Variants in OGDH observed in about 807,000 individuals in gnomAD.
The protein encoded by OGDH is oxoglutarate dehydrogenase.
In OGDH, 38 loss-of-function variants were observed where a neutral mutation model predicts 116.6. That is an observed-to-expected ratio of 0.33 (90% CI 0.25 to 0.43). OGDH has a LOEUF of 0.43. OGDH is among the 20% of genes least tolerant of loss of function. OGDH has a pLI of 1.00. For synonymous variants in OGDH, 488 were observed against 533.3 expected (o/e 0.92, Z 1.17); for missense variants, 825 against 1,357.2 (o/e 0.61, Z 6.16).
rs781074782 is a variant in OGDH, at chr7:44,675,924, G to A, written c.1027-46G>A. 4 of 1,590,718 alleles carry A rather than the reference G, an allele frequency of 2.5e-6. No individual in the cohort carries two copies. In the South Asian group the frequency reaches 4.4e-5, roughly 18 times the overall value. On this transcript the variant is annotated intron_variant, in intron 8 of 22. Transcript: ENST00000222673. ...GTATAAAAGGGCTCTTTTGGAGACT[G>A]AGCATCTCCTTGGCCAGGGTGCAAA...
chr7:44,688,489 G>A (rs1242259291), intron 10 of OGDH, among the ~76,000 whole-genome samples: 1 of 141,084 alleles, frequency 7.1e-6, no homozygotes, highest in Non-Finnish European at 1.5e-5. Context: ...GGAGTGCAGT[G>A]GTGTGATCTC....
chr7:44,617,849 G>A (rs1461725789), intron 1 of OGDH, among the ~76,000 whole-genome samples: 3 of 152,140 alleles, frequency 2.0e-5, no homozygotes, highest in Admixed American at 6.6e-5. Flanking sequence ...ACAGCAGACT[G>A]TTTTTGCTAG....
chr7:44,641,834 G>A (rs1785956821), intron 2 of OGDH, among the ~76,000 whole-genome samples: 1 of 152,232 alleles, frequency 6.6e-6, no homozygotes, highest in African/African-American at 2.4e-5. Flanking sequence ...GGTGTCCAGT[G>A]TATTTGTGCA....
intron 4 of OGDH, among the ~76,000 whole-genome samples, chr7:44,662,464 C>CTTTTTTTTTT (rs199533460): frequency 7.6e-5 from 10 of 130,814 alleles, no homozygotes; most frequent in Non-Finnish European, 8.1e-5. Context: ...CTTTTCTTTT[C>CTTTTTTTTTT]TTTTTTTTTT....
intron 4 of OGDH, among the ~76,000 whole-genome samples, chr7:44,652,113 G>GTT (rs59287756): frequency 1.3e-4 from 19 of 145,920 alleles, no homozygotes; most frequent in South Asian, 6.5e-4. Context: ...ACAGAGATAA[G>GTT]TTTTTTTTTT....
chr7:44,611,237 C>A (rs549099081), intron 1 of OGDH, among the ~76,000 whole-genome samples: 1 of 151,992 alleles, frequency 6.6e-6, no homozygotes, highest in East Asian at 1.9e-4. Flanking sequence ...GAGTCTGCAC[C>A]ATGCCTGGCT....
intron 2 of OGDH, among the ~76,000 whole-genome samples, chr7:44,639,683 G>T (rs1785842080): frequency 6.6e-6 from 1 of 152,212 alleles, no homozygotes; most frequent in African/African-American, 2.4e-5. Flanking sequence ...AAGAGGGCTT[G>T]CTGTTGTTGG....
chr7:44,650,875 A>G (rs529992811), intron 4 of OGDH, among the ~76,000 whole-genome samples: 33 of 152,230 alleles, frequency 2.2e-4, no homozygotes, highest in Non-Finnish European at 4.4e-5. Context: ...GTGTCACATG[A>G]CTATTTCCCC....
chr7:44,641,209 CTTTTTTTTTTTTTTTCTTTTTT>C lies in OGDH; in HGVS notation c.223-4106_223-4085del, dbSNP rs1286837510. Among the ~76,000 whole-genome samples the C allele has an allele frequency of 2.8e-5, 3 of 108,622 alleles. No homozygotes were observed. In the East Asian group the frequency reaches 7.6e-4, roughly 28 times the overall value. 71.3% of individuals were successfully genotyped at this position (108,622 alleles called of 152,430 possible). A position where few individuals can be genotyped will look rare whatever the true frequency, so the allele number is the denominator to read the frequency against. On this transcript the variant is annotated intron_variant, in intron 2 of 22. Coordinates refer to ENST00000222673, the MANE Select transcript of OGDH (RefSeq NM_002541.4). ...AGCCACCAAGCCCAGCCTTTTTCTT[CTTTTTTTTTTTTTTTCTTTTTT>C]TTTTTTTTTTTGGAAACAGGGTGTC...
At chr7:44,619,605 A>G (rs1247885220) in intron 1 of OGDH, among the ~76,000 whole-genome samples, 1 of 152,198 alleles carries the variant, frequency 6.6e-6, no homozygotes, top group Non-Finnish European at 1.5e-5. Context: ...GTTATATTCT[A>G]TAGATATAAC....
At chr7:44,675,094 G>T in intron 7 of OGDH, 84 bp from the exon 8 acceptor site, 2 of 1,031,930 alleles carry the variant, frequency 1.9e-6, no homozygotes. Context: ...GGGGGAGGGG[G>T]AGGGGGGGAT....
intron 18 of OGDH, among the ~76,000 whole-genome samples, chr7:44,699,911 C>G (rs1216614389): frequency 2.0e-5 from 3 of 152,068 alleles, no homozygotes; most frequent in African/African-American, 7.2e-5. Flanking sequence ...CTTTCAACAA[C>G]CAGATCTCGT....
intron 4 of OGDH, among the ~76,000 whole-genome samples, chr7:44,663,038 C>T (rs1787018052): frequency 6.6e-6 from 1 of 152,126 alleles, no homozygotes; most frequent in African/African-American, 2.4e-5. Context: ...TTATTTTCTG[C>T]TTCTTTGATT....
chr7:44,629,485 G>T (rs186373577), intron 2 of OGDH, among the ~76,000 whole-genome samples: 1 of 152,112 alleles, frequency 6.6e-6, no homozygotes, highest in African/African-American at 2.4e-5. Context: ...CCTCTGCTCT[G>T]TGCTTTCCTC....
rs549946225 is a variant in OGDH, at chr7:44,652,219, C to G, written c.517+4460C>G. ...CGCCTCCCGGGTTCAAGCAATTCTC[C>G]TGCCTCAGCCTCCCAAGTAGCTGGG... On this transcript the variant is annotated intron_variant, in intron 4 of 22. Transcript: ENST00000222673. Among the ~76,000 whole-genome samples the G allele has an allele frequency of 8.5e-4, 130 of 152,162 alleles. 1 individual carries two copies. The highest frequency in any genetic ancestry group is 6.8e-3 in the Middle Eastern group (2 of 294).
At chr7:44,609,241 T>TA (rs1159271729) in intron 1 of OGDH, among the ~76,000 whole-genome samples, 1 of 150,698 alleles carries the variant, frequency 6.6e-6, no homozygotes, top group Non-Finnish European at 1.5e-5. Flanking sequence ...CGCAGTGGCT[T>TA]ACGCCTGTAA....
chr7:44,656,476 G>GT, intron 4 of OGDH: 1 of 905,170 alleles, frequency 1.1e-6, no homozygotes, highest in South Asian at 1.5e-5. Flanking sequence ...TCTGTCACGT[G>GT]TTTTTAAGTT....
intron 2 of OGDH, among the ~76,000 whole-genome samples, chr7:44,641,836 A>G (rs939062297): frequency 1.3e-5 from 2 of 152,186 alleles, no homozygotes; most frequent in East Asian, 3.8e-4. Flanking sequence ...TGTCCAGTGT[A>G]TTTGTGCACA....
rs114948555 is a variant in OGDH, at chr7:44,691,700, G to A, written c.1336-2125G>A. Among the ~76,000 whole-genome samples, 542 of 152,092 alleles carry A rather than the reference G, an allele frequency of 3.6e-3. 4 individuals carry two copies. The highest frequency in any genetic ancestry group is 0.013 in the African/African-American group (525 of 41,506). On this transcript the variant is annotated intron_variant, in intron 10 of 22. Transcript: ENST00000222673. ...AAGATTAATATCCTAGGGAATGGCC[G>A]GGCACAGTGGCTCACGCCTGTAATC...
Sources: allele counts gnomAD v4.1 joint callset (sites outside exome capture counted in the v4.1 genomes callset), GRCh38; gene constraint gnomAD v4.1.1; transcripts MANE v1.5; gene names NCBI Gene and HGNC (gene_info 2026-07-23, HGNC 2026-07-21).